PBX3: variants seen among roughly 807,000 people sequenced by gnomAD.
The protein encoded by PBX3 is pre-B-cell leukemia transcription factor 3.
Under a neutral mutation model 48.5 loss-of-function variants are expected in PBX3, and 14 were observed. The observed-to-expected ratio is 0.29, with a 90% CI of 0.19 to 0.45. The LOEUF is 0.45. Among genes scored for constraint, PBX3 ranks in the 20% least tolerant of loss-of-function variants. The pLI, the probability that PBX3 is intolerant of heterozygous loss-of-function variation, is 1.00. For missense variants in PBX3, 386 were observed against 546.7 expected, an observed-to-expected ratio of 0.71 and a Z score of 2.93; for synonymous variants, 210 against 200.3, an observed-to-expected ratio of 1.05 and a Z score of -0.41.
intron 2 of PBX3, among the ~76,000 whole-genome samples, chr9:125,853,711 T>C (rs193287701): frequency 6.6e-6 from 1 of 152,348 alleles, no homozygotes; most frequent in African/African-American, 2.4e-5. Flanking sequence ...TTAAGTTTCC[T>C]TATTAAAGAT....
intron 2 of PBX3, among the ~76,000 whole-genome samples, chr9:125,801,790 T>TACACATACACACACACACAC (rs1554857078): frequency 6.8e-6 from 1 of 146,216 alleles, no homozygotes; most frequent in Non-Finnish European, 1.5e-5. Flanking sequence ...TGTATACACA[T>TACACATACACACACACACAC]ACACACACAC....
chr9:125,789,649 TG>T (rs1274696938), intron 2 of PBX3, among the ~76,000 whole-genome samples: 1 of 152,014 alleles, frequency 6.6e-6, no homozygotes, highest in African/African-American at 2.4e-5. Flanking sequence ...TTTGGTAGGG[TG>T]AAGTCATTAA....
chr9:125,748,222 A>C, intron 1 of PBX3: 1 of 1,013,566 alleles, frequency 9.9e-7, no homozygotes, highest in Non-Finnish European at 1.2e-6. Context: ...CGGACGCGGG[A>C]GCCCCTCCGC....
intron 2 of PBX3, among the ~76,000 whole-genome samples, chr9:125,882,882 G>T (rs1840413366): frequency 6.6e-6 from 1 of 152,166 alleles, no homozygotes; most frequent in African/African-American, 2.4e-5. Flanking sequence ...ATGGGGAAAA[G>T]AACTCTGAAA....
At chr9:125,800,633 G>GT (rs1005830443) in intron 2 of PBX3, among the ~76,000 whole-genome samples, 28 of 147,116 alleles carry the variant, frequency 1.9e-4, no homozygotes, top group South Asian at 4.3e-4. Context: ...TCCAGGAGAA[G>GT]TTTTTTTTTT....
chr9:125,848,221 A>G (rs1012163053), intron 2 of PBX3, among the ~76,000 whole-genome samples: 1 of 152,056 alleles, frequency 6.6e-6, no homozygotes, highest in African/African-American at 2.4e-5. Context: ...CTCATGAACA[A>G]TGATCAGTTC....
intron 2 of PBX3, among the ~76,000 whole-genome samples, chr9:125,765,329 T>C (rs966223408): frequency 1.3e-5 from 2 of 152,040 alleles, no homozygotes; most frequent in Non-Finnish European, 2.9e-5. Flanking sequence ...TTGTATTTTT[T>C]TGTACAGACT....
rs529975554 is a variant in PBX3, at chr9:125,757,787, A to T, written c.274+9164A>T. 8.5e-5 allele frequency among the ~76,000 whole-genome samples: 13 copies of T among 152,318 alleles called. No homozygotes were observed. The South Asian group carries it at 2.7e-3, about 32-fold the overall frequency. ...GTTGGGTTTATGGAGCTTTATGCAG[A>T]GGTTTTCTCAGAAATTATAGCACAG... is the stretch of plus-strand genomic sequence containing the variant. On this transcript the variant is annotated intron_variant, in intron 2 of 8. Coordinates refer to ENST00000373489, the MANE Select transcript of PBX3 (RefSeq NM_006195.6).
chr9:125,888,284 G>A (rs1476724510), intron 2 of PBX3, among the ~76,000 whole-genome samples: 1 of 152,102 alleles, frequency 6.6e-6, no homozygotes, highest in Non-Finnish European at 1.5e-5. Context: ...CTCTTCTGTC[G>A]TGTAGTGTAC....
intron 2 of PBX3, among the ~76,000 whole-genome samples, chr9:125,780,602 C>T (rs1434962917): frequency 2.2e-5 from 3 of 137,404 alleles, no homozygotes; most frequent in African/African-American, 8.3e-5. Flanking sequence ...GGCAGAGGCG[C>T]CCCTCACCTC....
chr9:125,929,923 C>A, intron 4 of PBX3, 78 bp downstream of exon 4: 2 of 1,106,524 alleles, frequency 1.8e-6, no homozygotes, highest in South Asian at 1.4e-5. Flanking sequence ...TAAAACTGAC[C>A]AGTTGGTCTT....
At chr9:125,863,459 C>G (rs1037793185) in intron 2 of PBX3, among the ~76,000 whole-genome samples, 5 of 150,678 alleles carry the variant, frequency 3.3e-5, no homozygotes, top group African/African-American at 9.8e-5. Context: ...ATCTGCCCAC[C>G]TTGGCCTCCC....
chr9:125,813,981 A>G (rs1207850278), intron 2 of PBX3, among the ~76,000 whole-genome samples: 1 of 73,896 alleles, frequency 1.4e-5, no homozygotes, highest in African/African-American at 5.3e-5. Flanking sequence ...CCTGGCCAAC[A>G]TGGTGAAACC....
rs1231484685 is a variant in PBX3, at chr9:125,966,304, A to C, written c.*381A>C. 3 of 156,352 alleles carry C rather than the reference A, an allele frequency of 1.9e-5. No individual in the cohort carries two copies. The highest frequency in any genetic ancestry group is 7.2e-5 in the African/African-American group (3 of 41,578). The allele number at this position is 156,352 out of a possible 1,614,324, so 9.7% of individuals were successfully genotyped here. On this transcript the variant is annotated 3_prime_UTR_variant, in exon 9 of 9. Transcript: ENST00000373489. ...ACCGTTAAAGCAGATGCAAAAATTC[A>C]CCTCACCTAAATTGAACTTCTTGCA...
intron 2 of PBX3, among the ~76,000 whole-genome samples, chr9:125,879,843 G>A (rs1035013795): frequency 1.3e-5 from 2 of 151,972 alleles, no homozygotes; most frequent in Admixed American, 1.3e-4. Flanking sequence ...GGAAGATAGA[G>A]TTTTTCTGGT....
intron 2 of PBX3, among the ~76,000 whole-genome samples, chr9:125,857,928 G>A (rs553007339): frequency 5.9e-4 from 90 of 152,298 alleles, no homozygotes; most frequent in East Asian, 1.9e-4. Flanking sequence ...CATAAGAAGT[G>A]CATTAGTTTT....
intron 2 of PBX3, among the ~76,000 whole-genome samples, chr9:125,817,626 A>G (rs1188545544): frequency 2.6e-5 from 4 of 152,224 alleles, no homozygotes; most frequent in African/African-American, 9.6e-5. Flanking sequence ...CTACCCCACT[A>G]AACTAATCTA....
chr9:125,797,115 A>G (rs550160643), intron 2 of PBX3, among the ~76,000 whole-genome samples: 1 of 152,214 alleles, frequency 6.6e-6, no homozygotes, highest in East Asian at 1.9e-4. Context: ...TATAGTGACT[A>G]AGAAGAATGT....
chr9:125,864,946 G>T (rs141138977), intron 2 of PBX3, among the ~76,000 whole-genome samples: 451 of 152,342 alleles, frequency 3.0e-3, no homozygotes, highest in Middle Eastern at 6.8e-3. Context: ...GAGTCTCAGA[G>T]AAATAGGCGA....
Sources: gnomAD v4.1 joint callset for allele counts (sites outside exome capture counted in the v4.1 genomes callset) on GRCh38, gnomAD v4.1.1 for gene constraint, MANE v1.5 for transcripts, NCBI Gene and HGNC (gene_info 2026-07-23, HGNC 2026-07-21) for gene names.